The following PHACTR2 variants were observed in gnomAD, a reference collection of about 807,000 sequenced individuals.
PHACTR2 encodes the protein phosphatase and actin regulator 2.
Under a neutral mutation model 76.0 loss-of-function variants are expected in PHACTR2, and 30 were observed. That is an observed-to-expected ratio of 0.39 (90% CI 0.30 to 0.54). The LOEUF is 0.54. Ranked by LOEUF, PHACTR2 falls within the 20% of genes least tolerant of loss-of-function variation. The pLI is 0.61. For missense variants in PHACTR2, 696 were observed against 781.1 expected, an observed-to-expected ratio of 0.89 and a Z score of 1.30; for synonymous variants, 292 against 292.5, an observed-to-expected ratio of 1.00 and a Z score of 0.02.
Position 143,580,946 on chromosome 6 carries a change from G to A in PHACTR2, c.217+43739G>A, listed in dbSNP as rs1451248915. Among the ~76,000 whole-genome samples the A allele has an allele frequency of 6.6e-6, 1 of 152,138 alleles. No individual in the cohort carries two copies. The highest frequency in any genetic ancestry group is 6.5e-5 in the Admixed American group (1 of 15,272). On this transcript the variant is annotated intron_variant, in intron 1 of 11. Transcript: ENST00000367584. This position sits in a 1 kb window ranked among gnomAD's most constrained non-coding sequence, Gnocchi z 4.2. ...ACACCAGGTGTTGAAATTACAGAAG[G>A]GACCATTTCTGGCAACACAGCAGAC...
rs1372389125 is a variant in PHACTR2, at chr6:143,591,283, T to C, written c.217+54076T>C. The stretch of plus-strand genomic sequence containing the variant: ...TAAGATAAAAGGTGGGAAGAATTCT[T>C]TAGAGATAAGCATGGAGGTGGGCCA... On this transcript the variant is annotated intron_variant, in intron 1 of 11. Transcript: ENST00000367584. This position sits in a 1 kb window ranked among gnomAD's most constrained non-coding sequence, Gnocchi z 6.4. Among the ~76,000 whole-genome samples the C allele has an allele frequency of 6.6e-6, 1 of 152,122 alleles. No homozygotes were observed. Among genetic ancestry groups the C allele is most frequent in the Non-Finnish European group, 1.5e-5 (1 of 68,018 alleles).
At chr6:143,559,360 T>G (rs1017035993) in intron 1 of PHACTR2, among the ~76,000 whole-genome samples, 3 of 152,148 alleles carry the variant, frequency 2.0e-5, no homozygotes, top group African/African-American at 7.2e-5. Context: ...TTCAAAATCG[T>G]CACTGATCCT....
In PHACTR2 at chr6:143,583,278, T is replaced by G. The variant is rs973545151; in HGVS notation, c.217+46071T>G. On this transcript the variant is annotated intron_variant, in intron 1 of 11. Transcript: ENST00000367584. This position sits in a 1 kb window ranked among gnomAD's most constrained non-coding sequence, Gnocchi z 4.0. ...TTTTACTAAACCATGATTTAGTGAA[T>G]GAAAGCACTTATACCATGTGAGAAT... Among the ~76,000 whole-genome samples, 2 of 152,228 alleles carry G rather than the reference T, an allele frequency of 1.3e-5. No homozygotes were observed. The highest frequency in any genetic ancestry group is 2.9e-5 in the Non-Finnish European group (2 of 68,036).
rs1776524414 is a variant in PHACTR2 at position 143,639,330 on chromosome 6, T to C, written c.13+31008T>C. Among the ~76,000 whole-genome samples, 1 of 152,246 alleles carries C rather than the reference T, an allele frequency of 6.6e-6. No individual in the cohort carries two copies. The highest frequency in any genetic ancestry group is 1.5e-5 in the Non-Finnish European group (1 of 68,046). On this transcript the variant is annotated intron_variant, in intron 1 of 11. Coordinates refer to the PHACTR2 transcript ENST00000305766. The surrounding 1 kb of genome is among the most constrained non-coding windows in gnomAD (Gnocchi z 5.0). Reference sequence around the variant, plus strand: ...CAGAACTTTATATAGTGATTTAATCTTTAAATCACGTTGGGAGTTAGTGTT... The same window carrying C: ...CAGAACTTTATATAGTGATTTAATCCTTAAATCACGTTGGGAGTTAGTGTT...
intron 1 of PHACTR2, among the ~76,000 whole-genome samples, chr6:143,559,157 G>A (rs1211161724): frequency 6.6e-6 from 1 of 152,176 alleles, no homozygotes; most frequent in Non-Finnish European, 1.5e-5. Flanking sequence ...ATATATAGAT[G>A]ACTCTTCCAA....
rs1206290160 is a variant in PHACTR2 at position 143,684,747 on chromosome 6, A to G, written c.46+6538A>G. Among the ~76,000 whole-genome samples the G allele has an allele frequency of 1.3e-5, 2 of 152,202 alleles. No homozygotes were observed. The highest frequency in any genetic ancestry group is 2.9e-5 in the Non-Finnish European group (2 of 68,032). On this transcript the variant is annotated intron_variant, in intron 1 of 12. Coordinates refer to ENST00000440869, the MANE Select transcript of PHACTR2 (RefSeq NM_001100164.2). The surrounding 1 kb of genome is among the most constrained non-coding windows in gnomAD (Gnocchi z 4.3). ...CAGCTAGCTCCACAGCACAGACTTA[A>G]CAAGTGGAACTTTAGCATGTATTTA...
chr6:143,567,373 T>C (rs1228356657), intron 1 of PHACTR2, among the ~76,000 whole-genome samples: 1 of 152,098 alleles, frequency 6.6e-6, no homozygotes, highest in East Asian at 1.9e-4. Context: ...TTTTATTATT[T>C]ATTGACTTTT....
In PHACTR2 at chr6:143,571,604, A is replaced by G. The variant is rs546755448; in HGVS notation, c.217+34397A>G. ...TTTTTAAAATTTTTTTATAGAGATG[A>G]GGTCTTGCTATGTTTCCCAGGCCGG... On this transcript the variant is annotated intron_variant, in intron 1 of 11. Coordinates refer to the PHACTR2 transcript ENST00000367584. This position sits in a 1 kb window ranked among gnomAD's most constrained non-coding sequence, Gnocchi z 4.6. 2.2e-3 allele frequency among the ~76,000 whole-genome samples: 331 copies of G among 151,916 alleles called. 1 individual carries two copies. The highest frequency in any genetic ancestry group is 7.5e-3 in the African/African-American group (312 of 41,400).
intron 1 of PHACTR2, among the ~76,000 whole-genome samples, chr6:143,631,791 C>T (rs997323455): frequency 6.6e-6 from 1 of 152,074 alleles, no homozygotes; most frequent in Non-Finnish European, 1.5e-5. Context: ...GTAAAGTGGA[C>T]ACACTCTAGA....
At chr6:143,575,115 A>G (rs536830899) in intron 1 of PHACTR2, among the ~76,000 whole-genome samples, 1 of 99,462 alleles carries the variant, frequency 1.0e-5, no homozygotes, top group Non-Finnish European at 2.3e-5. Context: ...CTCCAAAAAC[A>G]TTTTCAGCCA....
At chr6:143,692,366 A>G (rs1777664521) in intron 1 of PHACTR2, among the ~76,000 whole-genome samples, 1 of 152,200 alleles carries the variant, frequency 6.6e-6, no homozygotes, top group Admixed American at 6.5e-5. Context: ...AACTTGGAAT[A>G]AACCAGAACA....
In PHACTR2 at chr6:143,647,124, G is replaced by A. The variant is rs969117297; in HGVS notation, c.13+38802G>A. ...AAGATATAAAACATTTTATGGTGCC[G>A]GGTTGCTGTTGACCTACATTGATAA... On this transcript the variant is annotated intron_variant, in intron 1 of 11. Transcript: ENST00000305766. This position sits in a 1 kb window ranked among gnomAD's most constrained non-coding sequence, Gnocchi z 4.2. Among the ~76,000 whole-genome samples the A allele has an allele frequency of 2.0e-5, 3 of 152,062 alleles. No homozygotes were observed. The highest frequency in any genetic ancestry group is 4.8e-5 in the African/African-American group (2 of 41,402).
In PHACTR2 at chr6:143,578,988, C is replaced by G. The variant is rs757639205; in HGVS notation, c.217+41781C>G. ...GCGTGATCACAGCTCACTGCAACCT[C>G]CGTCTCCCGGGTTCAAGCCATCCTC... On this transcript the variant is annotated intron_variant, in intron 1 of 11. Transcript: ENST00000367584. This position sits in a 1 kb window ranked among gnomAD's most constrained non-coding sequence, Gnocchi z 4.5. 6.6e-6 allele frequency among the ~76,000 whole-genome samples: 1 copy of G among 152,146 alleles called. No homozygotes were observed. Among genetic ancestry groups the G allele is most frequent in the Non-Finnish European group, 1.5e-5 (1 of 68,032 alleles).
chr6:143,756,091 A>G (rs983501618), intron 4 of PHACTR2, among the ~76,000 whole-genome samples: 7 of 152,118 alleles, frequency 4.6e-5, no homozygotes, highest in African/African-American at 1.7e-4. Context: ...TTGCCAAACC[A>G]TATCATCTGC....
Position 143,690,059 on chromosome 6 carries a change from C to T in PHACTR2, c.46+11850C>T, listed in dbSNP as rs533239907. Among the ~76,000 whole-genome samples the T allele has an allele frequency of 2.6e-5, 4 of 152,330 alleles. No individual in the cohort carries two copies. The South Asian group carries it at 6.2e-4, about 24-fold the overall frequency. On this transcript the variant is annotated intron_variant, in intron 1 of 12. Coordinates refer to ENST00000440869, the MANE Select transcript of PHACTR2 (RefSeq NM_001100164.2). ...ATCCATGTAATAGCAGAAATGCCAA[C>T]GATAGCTAAGGCTTGTGGTAAACCA...
intron 2 of PHACTR2, among the ~76,000 whole-genome samples, chr6:143,728,228 T>C (rs1351618715): frequency 1.5e-4 from 21 of 144,600 alleles, no homozygotes; most frequent in Admixed American, 1.3e-3. Context: ...TTTTTTTTTT[T>C]TTTTTTTGAG....
In PHACTR2 at chr6:143,787,724, G is replaced by A. The variant is rs181676885; in HGVS notation, c.1708-1049G>A. Among the ~76,000 whole-genome samples, 1 of 152,004 alleles carries A rather than the reference G, an allele frequency of 6.6e-6. No homozygotes were observed. Among genetic ancestry groups the A allele is most frequent in the East Asian group, 1.9e-4 (1 of 5,154 alleles). Reference sequence around the variant, plus strand: ...GCCCAAGAGTTCAAGACCAGCCTGAGCAACATAGAGAGACCCCCCACCCAC... The same window carrying A: ...GCCCAAGAGTTCAAGACCAGCCTGAACAACATAGAGAGACCCCCCACCCAC... On this transcript the variant is annotated intron_variant, in intron 10 of 12. Transcript: ENST00000440869. This position sits in a 1 kb window ranked among gnomAD's most constrained non-coding sequence, Gnocchi z 4.6.
chr6:143,626,634 C>T (rs193030004), intron 1 of PHACTR2, among the ~76,000 whole-genome samples: 149 of 151,960 alleles, frequency 9.8e-4, no homozygotes, highest in African/African-American at 3.5e-3. Flanking sequence ...AGCTTGATTA[C>T]ACAAATAATA....
intron 1 of PHACTR2, among the ~76,000 whole-genome samples, chr6:143,651,373 A>T (rs1033526717): frequency 6.6e-6 from 1 of 152,232 alleles, no homozygotes; most frequent in African/African-American, 2.4e-5. Flanking sequence ...CCATTCTGTT[A>T]TAAAGATACA....
Sources: allele counts gnomAD v4.1 joint callset (sites outside exome capture counted in the v4.1 genomes callset), GRCh38; gene constraint gnomAD v4.1.1; non-coding constraint Gnocchi (gnomAD v3.1); transcripts MANE v1.5; gene names NCBI Gene and HGNC (gene_info 2026-07-23, HGNC 2026-07-21).